FBRSL1: variants seen among roughly 807,000 people sequenced by gnomAD.
FBRSL1 encodes fibrosin like 1.
FBRSL1 carries 51 observed loss-of-function variants against 89.6 expected under a neutral mutation model. The observed-to-expected ratio is 0.57, with a 90% CI of 0.45 to 0.72. FBRSL1 has a LOEUF of 0.72. FBRSL1 is among the 30% of genes least tolerant of loss of function. FBRSL1 has a pLI of 0.00. For synonymous variants in FBRSL1, 779 were observed against 681.1 expected (o/e 1.14, Z -2.24); for missense variants, 1,618 against 1,451.8 (o/e 1.11, Z -1.86).
In FBRSL1 at chr12:132,570,503, G is replaced by A. The variant is rs1159194457; in HGVS notation, c.1176G>A (p.Leu392=). 3 of 1,526,482 alleles carry A rather than the reference G, an allele frequency of 2.0e-6. No homozygotes were observed. Among genetic ancestry groups the A allele is most frequent in the African/African-American group, 1.4e-5 (1 of 72,018 alleles). The allele number at this position is 1,526,482 out of a possible 1,614,324, so 94.6% of individuals were successfully genotyped here. The part of the protein sequence containing the change: ...APPTLPPPPA[L]PASSLVLPGH... ...CGACACTGCCCCCGCCCCCGGCGCT[G>A]CCGGCCAGCAGCCTGGTCCTCCCAG... Residue 392 remains leucine (L), a synonymous_variant, in exon 8 of 19, where the codon CTG becomes CTA. Transcript: ENST00000680143.
At chr12:132,555,133 G>A (rs2038502960) in intron 5 of FBRSL1, among the ~76,000 whole-genome samples, 1 of 152,212 alleles carries the variant, frequency 6.6e-6, no homozygotes, top group Admixed American at 6.5e-5. Context: ...AAGGACGGCT[G>A]TGGGGATGGC....
chr12:132,492,064 CAGT>C (rs1369307836), intron 1 of FBRSL1, among the ~76,000 whole-genome samples: 1 of 152,220 alleles, frequency 6.6e-6, no homozygotes, highest in African/African-American at 2.4e-5. Context: ...TCTGCCCTCT[CAGT>C]GGTGATAATG....
At chr12:132,500,879 C>T (rs907931204) in intron 1 of FBRSL1, among the ~76,000 whole-genome samples, 6 of 152,226 alleles carry the variant, frequency 3.9e-5, no homozygotes, top group African/African-American at 1.4e-4. Flanking sequence ...CCCTTGGCCC[C>T]TGCCCCAGTT....
At chr12:132,502,051 T>C (rs1399016699) in intron 1 of FBRSL1, among the ~76,000 whole-genome samples, 1 of 152,210 alleles carries the variant, frequency 6.6e-6, no homozygotes, top group Non-Finnish European at 1.5e-5. Flanking sequence ...GGACGGGACA[T>C]ATGTTGGTTT....
intron 5 of FBRSL1, chr12:132,551,798 G>A (rs1011636114): frequency 3.1e-5 from 11 of 350,636 alleles, no homozygotes; most frequent in Admixed American, 7.4e-5. Context: ...TGGCCCCTTC[G>A]CAAGTCTTCG....
In FBRSL1 at chr12:132,567,542, C is replaced by A. The variant is rs1339930539; in HGVS notation, c.691+16C>A. ...ACCGATAAAGGTAAGTGGGTCCCCT[C>A]GGCCCAGCTCCTGGGCCTCTGAAGA... On this transcript the variant is annotated intron_variant, in intron 6 of 18. Coordinates refer to ENST00000680143, the MANE Select transcript of FBRSL1 (RefSeq NM_001367871.1). 8.4e-6 allele frequency: 13 copies of A among 1,550,536 alleles called. No individual in the cohort carries two copies. In the East Asian group the frequency reaches 1.5e-4, roughly 17 times the overall value.
chr12:132,545,196 G>A (rs920257075), intron 4 of FBRSL1, among the ~76,000 whole-genome samples: 6 of 152,174 alleles, frequency 3.9e-5, no homozygotes, highest in South Asian at 2.1e-4. Context: ...GGGGCCTGGG[G>A]TCTGTCCTCT....
rs981753353 is a variant in FBRSL1 at position 132,548,042 on chromosome 12, G to A, written c.645+10G>A. On this transcript the variant is annotated intron_variant, in intron 5 of 18. Transcript: ENST00000680143. The stretch of plus-strand genomic sequence containing the variant: ...CGGCCCGGACGACAAGGTAAGCCCA[G>A]CGTCCTCCTCCTGGGCTCGGCTGAC... 1.9e-5 allele frequency: 30 copies of A among 1,550,094 alleles called. No homozygotes were observed. Among genetic ancestry groups the A allele is most frequent in the Non-Finnish European group, 2.5e-5 (29 of 1,146,648 alleles).
chr12:132,508,605 C>T (rs558910050), intron 2 of FBRSL1, among the ~76,000 whole-genome samples: 5 of 152,332 alleles, frequency 3.3e-5, no homozygotes, highest in South Asian at 4.1e-4. Flanking sequence ...GGCAGCAAGG[C>T]GCGCGTTCCG....
At chr12:132,567,595 C>T in intron 6 of FBRSL1, 69 bp downstream of exon 6, 1 of 1,459,444 alleles carries the variant, frequency 6.9e-7, no homozygotes, top group South Asian at 1.2e-5. Flanking sequence ...GTCTTGGCGG[C>T]AGGACATCCC....
At chr12:132,566,779 G>A (rs7304633) in intron 5 of FBRSL1, among the ~76,000 whole-genome samples, 1,933 of 152,130 alleles carry the variant, frequency 0.013, 44 homozygotes, top group African/African-American at 0.043. Flanking sequence ...GGCACATAGC[G>A]CGGTGTCCTG....
chr12:132,575,499 T>C (rs1034682325), intron 14 of FBRSL1, among the ~76,000 whole-genome samples: 2 of 152,220 alleles, frequency 1.3e-5, no homozygotes, highest in Admixed American at 6.5e-5. Flanking sequence ...AGTGCTGGGA[T>C]TACAGGCGTG....
rs1392680367 is a variant in FBRSL1 at position 132,582,168 on chromosome 12, G to T, written c.2103G>T (p.Pro701=). Residue 701 remains proline, a synonymous_variant, in exon 18 of 19, where the codon CCG becomes CCT. Transcript: ENST00000680143. ...TGCACCGGGCACCGCCCTCCTTCCCGGCTCCGCCCCCGTGGCCCAAGTCCG... is the reference window on the plus strand; with the variant it reads ...TGCACCGGGCACCGCCCTCCTTCCCTGCTCCGCCCCCGTGGCCCAAGTCCG... The part of the protein sequence containing the change: ...NRLHRAPPSF[P]APPPWPKSVD... 6.5e-7 allele frequency: 1 copy of T among 1,550,026 alleles called. No individual in the cohort carries two copies. Among genetic ancestry groups the T allele is most frequent in the Admixed American group, 2.0e-5 (1 of 50,984 alleles).
intron 9 of FBRSL1, 116 bp downstream of exon 9, chr12:132,571,347 G>C: frequency 6.5e-7 from 1 of 1,550,184 alleles, no homozygotes; most frequent in South Asian, 1.2e-5. Context: ...CGCGGTTTCT[G>C]GTGCAGAGCG....
intron 2 of FBRSL1, among the ~76,000 whole-genome samples, chr12:132,521,560 G>A (rs915882187): frequency 6.6e-6 from 1 of 152,182 alleles, no homozygotes; most frequent in Admixed American, 6.5e-5. Context: ...AGGCCTGCAG[G>A]TGCAGAGGCT....
intron 4 of FBRSL1, among the ~76,000 whole-genome samples, chr12:132,530,980 C>A (rs911497147): frequency 7.5e-6 from 1 of 134,130 alleles, no homozygotes; most frequent in African/African-American, 2.9e-5. Context: ...CCTGCGGGCC[C>A]CTTGTGTCCA....
At chr12:132,497,595 C>G (rs77076634) in intron 1 of FBRSL1, among the ~76,000 whole-genome samples, 3 of 152,178 alleles carry the variant, frequency 2.0e-5, no homozygotes, top group African/African-American at 7.2e-5. Flanking sequence ...CAGGAGCCCA[C>G]GGGCCTGACC....
At chr12:132,581,620 C>T in intron 16 of FBRSL1, 104 bp downstream of exon 16, 2 of 1,487,586 alleles carry the variant, frequency 1.3e-6, no homozygotes, top group Non-Finnish European at 1.8e-6. Context: ...CCCAGGGAGC[C>T]CCTTGGGTCA....
intron 2 of FBRSL1, chr12:132,510,781 C>T: frequency 8.7e-7 from 1 of 1,152,906 alleles, no homozygotes; most frequent in Non-Finnish European, 1.1e-6. Flanking sequence ...GTGTGCGTGC[C>T]CTGGGAGGGG....
Sources: gnomAD v4.1 joint callset for allele counts (sites outside exome capture counted in the v4.1 genomes callset) on GRCh38, gnomAD v4.1.1 for gene constraint, MANE v1.5 for transcripts, NCBI Gene and HGNC (gene_info 2026-07-23, HGNC 2026-07-21) for gene names.